Variants in CEP83 observed in about 807,000 individuals in gnomAD.
CEP83 encodes the protein centrosomal protein of 83 kDa.
CEP83 carries 70 observed loss-of-function variants against 101.9 expected under a neutral mutation model. The ratio of observed to expected loss-of-function variants is 0.69; its 90% CI spans 0.57 to 0.84. The LOEUF (loss-of-function observed/expected upper bound fraction) is 0.84, where lower values mean the gene tolerates loss of function less well. Among genes scored for constraint, CEP83 ranks in the 40% least tolerant of loss-of-function variants. CEP83 has a pLI of 0.00. For synonymous variants in CEP83, 264 were observed against 267.9 expected (o/e 0.99, Z 0.14); for missense variants, 715 against 787.2 (o/e 0.91, Z 1.10).
In CEP83 at chr12:94,427,735, T is replaced by C. The variant is rs139056277; in HGVS notation, c.-102+7540A>G. On this transcript the variant is annotated intron_variant, in intron 2 of 16. Coordinates refer to ENST00000397809, the MANE Select transcript of CEP83 (RefSeq NM_016122.3). ...ACATGCCCTCAAAGTGAATGATGTT[T>C]TTTAAAAAACAACATTAAAAGTCTA... Among the ~76,000 whole-genome samples, 260 of 152,352 alleles carry C rather than the reference T, an allele frequency of 1.7e-3. 2 individuals carry two copies. The East Asian group carries it at 0.027, about 16-fold the overall frequency.
chr12:94,273,089 T>C, the CEP83 span, among the ~76,000 whole-genome samples: 1 of 152,248 alleles, frequency 6.6e-6, no homozygotes, highest in Admixed American at 6.5e-5. Context: ...CCTCATCCAT[T>C]AAATGAGGCT....
intron 4 of CEP83, among the ~76,000 whole-genome samples, chr12:94,407,552 G>A (rs1761686092): frequency 6.6e-6 from 1 of 152,166 alleles, no homozygotes; most frequent in Admixed American, 6.5e-5. Context: ...CCACTGGCCT[G>A]TGCAATCTAA....
intron 11 of CEP83, among the ~76,000 whole-genome samples, chr12:94,367,407 T>A (rs918974658): frequency 6.6e-6 from 1 of 152,066 alleles, no homozygotes; most frequent in African/African-American, 2.4e-5. Context: ...AATTTAACCA[T>A]GAAAAATGCA....
At chr12:94,453,306 T>C (rs1306891926) in intron 1 of CEP83, among the ~76,000 whole-genome samples, 1 of 152,156 alleles carries the variant, frequency 6.6e-6, no homozygotes, top group Non-Finnish European at 1.5e-5. Context: ...TCAAGAATTG[T>C]TTTCCTAGTT....
chr12:94,333,104 C>A (rs1410566568), intron 13 of CEP83, among the ~76,000 whole-genome samples: 2 of 142,878 alleles, frequency 1.4e-5, no homozygotes, highest in African/African-American at 5.1e-5. Context: ...CAAGATAGTT[C>A]TAATTCAAGG....
chr12:94,439,034 G>A (rs901540905), intron 1 of CEP83, among the ~76,000 whole-genome samples: 7 of 152,074 alleles, frequency 4.6e-5, no homozygotes, highest in Non-Finnish European at 8.8e-5. Context: ...GGTGCTAAGA[G>A]GAAAGTTCAT....
At chr12:94,271,538 G>A in the CEP83 span, among the ~76,000 whole-genome samples, 4 of 152,204 alleles carry the variant, frequency 2.6e-5, no homozygotes, top group Admixed American at 1.3e-4. Context: ...GAAGAGGTGG[G>A]GTTTGGAGTC....
intron 9 of CEP83, chr12:94,368,853 T>C (rs879172163): frequency 3.3e-5 from 5 of 152,134 alleles, no homozygotes; most frequent in Non-Finnish European, 5.9e-5. Flanking sequence ...AAATTAACAA[T>C]TGGAAAAAAT....
At chr12:94,393,309 G>C (rs1170472300) in intron 6 of CEP83, among the ~76,000 whole-genome samples, 2 of 152,156 alleles carry the variant, frequency 1.3e-5, no homozygotes, top group Non-Finnish European at 2.9e-5. Context: ...TGGGATGCAA[G>C]GCTGGTTCAA....
chr12:94,451,500 T>C (rs1042374304), intron 1 of CEP83, among the ~76,000 whole-genome samples: 1 of 133,998 alleles, frequency 7.5e-6, no homozygotes, highest in African/African-American at 2.8e-5. Flanking sequence ...AGCTAAAAAA[T>C]GGGCAAATGC....
intron 11 of CEP83, among the ~76,000 whole-genome samples, chr12:94,354,990 G>A (rs1043465028): frequency 6.6e-6 from 1 of 150,934 alleles, no homozygotes; most frequent in Non-Finnish European, 1.5e-5. Flanking sequence ...TACAGAGTGA[G>A]ACTCCGTCTC....
chr12:94,455,646 C>A (rs1197739295), intron 1 of CEP83, among the ~76,000 whole-genome samples: 1 of 152,184 alleles, frequency 6.6e-6, no homozygotes, highest in Non-Finnish European at 1.5e-5. Flanking sequence ...TAGGTTCCTA[C>A]TAACTCTGAA....
chr12:94,374,191 A>G (rs924096711), intron 8 of CEP83, among the ~76,000 whole-genome samples: 19 of 152,164 alleles, frequency 1.2e-4, no homozygotes, highest in African/African-American at 4.3e-4. Context: ...ATGGAAAAAA[A>G]GAAGAAAAAT....
rs1260313552 is a variant in CEP83, at chr12:94,438,367, TG to T, written c.-154-3041del. Among the ~76,000 whole-genome samples the T allele has an allele frequency of 2.0e-5, 3 of 151,966 alleles. No homozygotes were observed. The East Asian group carries it at 5.8e-4, about 29-fold the overall frequency. The stretch of plus-strand genomic sequence containing the variant: ...GGTGGAAAAAGATATTCCACGCAAA[TG>T]GAAACCAAACGTGAGCAGGAACAGC... On this transcript the variant is annotated intron_variant, in intron 1 of 16. Coordinates refer to ENST00000397809, the MANE Select transcript of CEP83 (RefSeq NM_016122.3).
intron 11 of CEP83, among the ~76,000 whole-genome samples, chr12:94,361,938 TG>T (rs1440225776): frequency 6.6e-6 from 1 of 152,080 alleles, no homozygotes; most frequent in African/African-American, 2.4e-5. Context: ...TGACCTCAGG[TG>T]ATCCACCCGC....
the CEP83 span, among the ~76,000 whole-genome samples, chr12:94,266,420 G>C: frequency 6.6e-6 from 1 of 152,218 alleles, no homozygotes; most frequent in Admixed American, 6.5e-5. Context: ...CGGAGAGTGG[G>C]CTGCATTGGT....
At chr12:94,370,815 C>A (rs538306277) in intron 8 of CEP83, among the ~76,000 whole-genome samples, 19 of 152,056 alleles carry the variant, frequency 1.2e-4, no homozygotes, top group Middle Eastern at 3.4e-3. Context: ...ATAGTGAGAT[C>A]CTTTCTCTAA....
At chr12:94,406,235 G>C (rs928965369) in intron 4 of CEP83, among the ~76,000 whole-genome samples, 2 of 151,956 alleles carry the variant, frequency 1.3e-5, no homozygotes, top group African/African-American at 4.8e-5. Context: ...ACATGTATCA[G>C]AATATAAAAA....
At chr12:94,438,069 A>G (rs920290136) in intron 1 of CEP83, among the ~76,000 whole-genome samples, 2 of 151,992 alleles carry the variant, frequency 1.3e-5, no homozygotes, top group African/African-American at 2.4e-5. Context: ...ATACAAAAAA[A>G]TTACCCAGGC....
Sources: allele counts gnomAD v4.1 joint callset (sites outside exome capture counted in the v4.1 genomes callset), GRCh38; gene constraint gnomAD v4.1.1; transcripts MANE v1.5; gene names NCBI Gene and HGNC (gene_info 2026-07-23, HGNC 2026-07-21).